LAMTOR5: variants seen among roughly 807,000 people sequenced by gnomAD.
LAMTOR5 encodes the protein ragulator complex protein LAMTOR5.
A neutral mutation model predicts 12.1 loss-of-function variants in LAMTOR5; 8 were observed. The ratio of observed to expected loss-of-function variants is 0.66; its 90% CI spans 0.39 to 1.19. The LOEUF is 1.19. LAMTOR5 is among the 50% of genes most tolerant of loss of function. The pLI is 0.01. For missense variants in LAMTOR5, 110 were observed against 112.8 expected, an observed-to-expected ratio of 0.97 and a Z score of 0.11; for synonymous variants, 37 against 41.9, an observed-to-expected ratio of 0.88 and a Z score of 0.45.
In LAMTOR5 at chr1:110,407,683, C is replaced by A. The variant is rs1285450207; in HGVS notation, c.-63G>T. On this transcript the variant is annotated 5_prime_UTR_variant, in exon 1 of 4. Transcript: ENST00000602318. ...ACGGCACGTCCTTCTCCACCACAGG[C>A]CTCAGTCACTTGACGCGAGCGGGGC... The A allele has an allele frequency of 1.2e-6, 2 of 1,614,242 alleles. No individual in the cohort carries two copies. The highest frequency in any genetic ancestry group is 1.7e-6 in the Non-Finnish European group (2 of 1,180,044).
At chr1:110,407,466 C>A (rs949291934) in intron 1 of LAMTOR5, 120 bp downstream of exon 1, 2 of 1,282,982 alleles carry the variant, frequency 1.6e-6, no homozygotes, top group East Asian at 5.1e-5. Flanking sequence ...ATCCCGTGTC[C>A]CGGGGGTCGC....
intron 1 of LAMTOR5, 189 bp downstream of exon 1, chr1:110,407,397 G>A (rs1238494649): frequency 8.2e-6 from 6 of 731,034 alleles, no homozygotes; most frequent in Admixed American, 5.9e-5. Flanking sequence ...TGCCCGGCAG[G>A]ATTTTAATTC....
At position 110,407,257 on chromosome 1, in the gene LAMTOR5, C is replaced by A; in HGVS notation, c.35+329G>T. ...GACACTGCACAACTGGCACAATCTT[C>A]CCAAAAGTCAACCCGTTTTCTAAAA... On this transcript the variant is annotated intron_variant, in intron 1 of 3. Coordinates refer to ENST00000602318, the MANE Select transcript of LAMTOR5 (RefSeq NM_001382293.1). The A allele has an allele frequency of 6.9e-6, 4 of 580,420 alleles. No homozygotes were observed. In the South Asian group the frequency reaches 9.1e-5, roughly 13 times the overall value. The allele number at this position is 580,420 out of a possible 1,614,324, so 36.0% of individuals were successfully genotyped here. A position where few individuals can be genotyped will look rare whatever the true frequency, so the allele number is the denominator to read the frequency against.
chr1:110,402,991 G>A (rs993105020), intron 3 of LAMTOR5, among the ~76,000 whole-genome samples: 2 of 152,082 alleles, frequency 1.3e-5, no homozygotes, highest in African/African-American at 4.8e-5. Flanking sequence ...TACTTTTACT[G>A]TATCTTCTCT....
Position 110,406,352 on chromosome 1 carries a change from G to C in LAMTOR5, c.63C>G (p.Val21=). ...DTMKNPSIVG[V]LCTDSQGLNL... is the part of the protein sequence containing the mutation. ...TAAGTCCTTGTGAATCTGTGCACAGGACTCCAACAATGGAGGGATTCTTCA... is the reference window on the plus strand; with the variant it reads ...TAAGTCCTTGTGAATCTGTGCACAGCACTCCAACAATGGAGGGATTCTTCA... Residue 21 remains valine (V), a synonymous_variant, in exon 2 of 4, where the codon GTC becomes GTG. Coordinates refer to ENST00000602318, the MANE Select transcript of LAMTOR5 (RefSeq NM_001382293.1). 6.2e-7 allele frequency: 1 copy of C among 1,610,374 alleles called. No individual in the cohort carries two copies. Among genetic ancestry groups the C allele is most frequent in the Non-Finnish European group, 8.5e-7 (1 of 1,178,268 alleles).
intron 1 of LAMTOR5, 42 bp from the exon 2 acceptor site, chr1:110,406,421 GA>G: frequency 7.1e-7 from 1 of 1,413,304 alleles, no homozygotes. Flanking sequence ...CATAATGGGA[GA>G]AAAAGGATTT....
At position 110,407,205 on chromosome 1, in the gene LAMTOR5, T is replaced by A. The variant is rs1265797164; in HGVS notation, c.35+381A>T. ...TAACTGATAGGTTACACACAGGAGATACGTGTTTGTTTACACTGCAGGGCT... is the reference window on the plus strand; with the variant it reads ...TAACTGATAGGTTACACACAGGAGAAACGTGTTTGTTTACACTGCAGGGCT... On this transcript the variant is annotated intron_variant, in intron 1 of 3. Coordinates refer to ENST00000602318, the MANE Select transcript of LAMTOR5 (RefSeq NM_001382293.1). The A allele has an allele frequency of 3.3e-5, 19 of 578,650 alleles. No homozygotes were observed. In the East Asian group the frequency reaches 5.0e-4, roughly 15 times the overall value. 35.8% of individuals were successfully genotyped at this position (578,650 alleles called of 1,614,324 possible).
intron 2 of LAMTOR5, among the ~76,000 whole-genome samples, chr1:110,405,149 C>CT (rs1663303164): frequency 6.7e-6 from 1 of 149,790 alleles, no homozygotes; most frequent in African/African-American, 2.4e-5. Context: ...TATTTAACCT[C>CT]TGTGTCTCAG....
At chr1:110,407,338 T>C (rs1365980307) in intron 1 of LAMTOR5, 2 of 599,004 alleles carry the variant, frequency 3.3e-6, no homozygotes, top group Non-Finnish European at 5.9e-6. Context: ...ATAGGCAGTT[T>C]TGGCCCGTGG....
upstream of LAMTOR5, chr1:110,407,775 G>A (rs1663369750): frequency 6.2e-7 from 1 of 1,614,146 alleles, no homozygotes. Flanking sequence ...TTCTTTACTG[G>A]AAAACATCAC....
At chr1:110,404,556 C>A (rs891295709) in intron 2 of LAMTOR5, among the ~76,000 whole-genome samples, 1 of 152,176 alleles carries the variant, frequency 6.6e-6, no homozygotes, top group Non-Finnish European at 1.5e-5. Context: ...TTCAGTTACC[C>A]TTCCAGCAAA....
rs563469775 is a variant in LAMTOR5 at position 110,407,474 on chromosome 1, C to T, written c.35+112G>A. On this transcript the variant is annotated intron_variant, in intron 1 of 3. Coordinates refer to ENST00000602318, the MANE Select transcript of LAMTOR5 (RefSeq NM_001382293.1). The stretch of plus-strand genomic sequence containing the variant: ...CCCCCTCATCCCGTGTCCCGGGGGT[C>T]GCGCGACGTCCCCGAGACGCCCTGG... The T allele has an allele frequency of 2.7e-4, 366 of 1,346,784 alleles. No homozygotes were observed. In the East Asian group the frequency reaches 9.1e-3, roughly 33 times the overall value. 83.4% of individuals were successfully genotyped at this position (1,346,784 alleles called of 1,614,324 possible). A position where few individuals can be genotyped will look rare whatever the true frequency, so the allele number is the denominator to read the frequency against.
chr1:110,403,604 C>T (rs547888726), intron 3 of LAMTOR5: 1 of 225,490 alleles, frequency 4.4e-6, no homozygotes, highest in African/African-American at 2.4e-5. Context: ...CAGAGCAACA[C>T]CCTGCCTCAA....
intron 1 of LAMTOR5, 141 bp downstream of exon 1, chr1:110,407,445 T>C: frequency 9.2e-7 from 1 of 1,086,944 alleles, no homozygotes; most frequent in South Asian, 1.5e-5. Context: ...TGGGTAGAGT[T>C]TAGCCCCCTC....
At chr1:110,403,013 C>A (rs1363986664) in intron 3 of LAMTOR5, among the ~76,000 whole-genome samples, 1 of 152,154 alleles carries the variant, frequency 6.6e-6, no homozygotes, top group Admixed American at 6.5e-5. Context: ...CGTTTAGATA[C>A]ATAAATACCA....
Position 110,403,987 on chromosome 1 carries a change from G to C in LAMTOR5, c.147C>G (p.Ala49=). 6.2e-7 allele frequency: 1 copy of C among 1,614,154 alleles called. No individual in the cohort carries two copies. The highest frequency in any genetic ancestry group is 8.5e-7 in the Non-Finnish European group (1 of 1,180,026). Residue 49 remains alanine (A), a synonymous_variant, in exon 3 of 4, where the codon GCC becomes GCG. Transcript: ENST00000602318. ...DEHAGVISVL[A]QQAAKLTSDP... ...CAGAGGTTAGCTTAGCTGCTTGCTG[G>C]GCTAGAACAGATATCACTCCAGCAT...
chr1:110,407,535 A>G (rs1173553020), intron 1 of LAMTOR5, 51 bp downstream of exon 1: 4 of 1,588,912 alleles, frequency 2.5e-6, no homozygotes, highest in Admixed American at 1.7e-5. Context: ...GTTCCGCTCA[A>G]GTTCCTCCGC....
Position 110,401,359 on chromosome 1 carries a change from G to T in LAMTOR5, c.*164C>A, listed in dbSNP as rs183244128. 25 of 586,058 alleles carry T rather than the reference G, an allele frequency of 4.3e-5. No homozygotes were observed. The East Asian group carries it at 7.4e-4, about 17-fold the overall frequency. The allele number at this position is 586,058 out of a possible 1,614,324, so 36.3% of individuals were successfully genotyped here. A position where few individuals can be genotyped will look rare whatever the true frequency, so the allele number is the denominator to read the frequency against. ...TTTCTTACTAATATCTTGATAGTCG[G>T]TCCATAGAGCATTAGAAAGCAATTG... On this transcript the variant is annotated 3_prime_UTR_variant, in exon 4 of 4. Transcript: ENST00000602318.
At chr1:110,407,788 C>T (rs371231252), upstream of LAMTOR5, 10 of 1,614,166 alleles carry the variant, frequency 6.2e-6, no homozygotes, top group Admixed American at 1.7e-5. Flanking sequence ...AACATCACTG[C>T]GCTTCCGTCG....
Sources: allele counts gnomAD v4.1 joint callset (sites outside exome capture counted in the v4.1 genomes callset), GRCh38; gene constraint gnomAD v4.1.1; transcripts MANE v1.5; gene names NCBI Gene and HGNC (gene_info 2026-07-23, HGNC 2026-07-21).